The following RASAL1 variants were observed in gnomAD, a reference collection of about 807,000 sequenced individuals.
RASAL1 encodes the protein rasGAP-activating-like protein 1.
RASAL1 carries 72 observed loss-of-function variants against 96.6 expected under a neutral mutation model. That is an observed-to-expected ratio of 0.75 (90% CI 0.62 to 0.91). The LOEUF (loss-of-function observed/expected upper bound fraction) is 0.91, where lower values mean the gene tolerates loss of function less well. Among genes scored for constraint, RASAL1 ranks in the 40% least tolerant of loss-of-function variants. The pLI is 0.00. For synonymous variants in RASAL1, 405 were observed against 430.4 expected, an observed-to-expected ratio of 0.94 and a Z score of 0.73; for missense variants, 1,016 against 1,072.5, an observed-to-expected ratio of 0.95 and a Z score of 0.74.
At chr12:113,121,152 C>A (rs1951280344) in intron 5 of RASAL1, among the ~76,000 whole-genome samples, 1 of 152,194 alleles carries the variant, frequency 6.6e-6, no homozygotes, top group Non-Finnish European at 1.5e-5. Context: ...TGGACCCAGC[C>A]ATGCCTGAAG....
At chr12:113,114,544 C>T (rs1374467110) in intron 12 of RASAL1, among the ~76,000 whole-genome samples, 8 of 152,042 alleles carry the variant, frequency 5.3e-5, no homozygotes, top group East Asian at 1.9e-4. Context: ...GAAGTTTTGG[C>T]AACTTTGTCC....
Position 113,117,066 on chromosome 12 carries a change from C to A in RASAL1, c.731+7G>T. Reference sequence around the variant, plus strand: ...GCCTGGCCCCCTCCCTCTGCACCCACATTTACCCAGAATCCTCCTCGGCTC... The same window carrying A: ...GCCTGGCCCCCTCCCTCTGCACCCAAATTTACCCAGAATCCTCCTCGGCTC... On this transcript the variant is annotated splice_region_variant and intron_variant, in intron 8 of 20. Coordinates refer to ENST00000548055, the MANE Select transcript of RASAL1 (RefSeq NM_001301202.2). The A allele has an allele frequency of 6.3e-7, 1 of 1,590,090 alleles. No individual in the cohort carries two copies. Among genetic ancestry groups the A allele is most frequent in the Non-Finnish European group, 8.6e-7 (1 of 1,162,192 alleles).
intron 13 of RASAL1, among the ~76,000 whole-genome samples, chr12:113,108,556 A>T (rs1950731019): frequency 6.6e-6 from 1 of 152,244 alleles, no homozygotes; most frequent in African/African-American, 2.4e-5. Context: ...AAGCTCAGAG[A>T]CATCAAGCGA....
At chr12:113,107,410 G>T in intron 14 of RASAL1, 169 bp from the exon 15 acceptor site, 1 of 807,408 alleles carries the variant, frequency 1.2e-6, no homozygotes, top group Non-Finnish European at 2.0e-6. Flanking sequence ...ATCACTTGAG[G>T]TCAGGAGCTT....
At chr12:113,131,089 A>G in intron 1 of RASAL1, 148 bp from the exon 2 acceptor site, 1 of 622,988 alleles carries the variant, frequency 1.6e-6, no homozygotes, top group Non-Finnish European at 2.8e-6. Flanking sequence ...GCTCAGAAGT[A>G]GAACCTTAGG....
chr12:113,134,719 G>A (rs1299292264), intron 1 of RASAL1, among the ~76,000 whole-genome samples: 1 of 152,148 alleles, frequency 6.6e-6, no homozygotes, highest in Non-Finnish European at 1.5e-5. Context: ...GCATAGCTTG[G>A]GACTAGTAGT....
At chr12:113,136,543 T>C (rs1951921253), upstream of RASAL1, among the ~76,000 whole-genome samples, 1 of 152,230 alleles carries the variant, frequency 6.6e-6, no homozygotes, top group Admixed American at 6.5e-5. Context: ...AGTCAGTAAC[T>C]GATTTGCCTT....
In RASAL1 at chr12:113,107,180, G is replaced by T. The variant is rs1950678031; in HGVS notation, c.1574C>A (p.Ala525Asp). Reference sequence around the variant, plus strand: ...CTGCAGCAGGAAGGGGTGCAGGGGGGCCATCCACAGTTCCTTGCCTTGGCC... The same window carrying T: ...CTGCAGCAGGAAGGGGTGCAGGGGGTCCATCCACAGTTCCTTGCCTTGGCC... ...QLGQGKELWM[A>D]PLHPFLLQCV... The change falls in exon 15 of 21, where the codon GCC becomes GAC. Residue 525 changes from alanine (A) to aspartate (D), a missense_variant. Physicochemically the swap from Ala to Asp is moderately radical, Grantham distance 126. Coordinates refer to ENST00000548055, the MANE Select transcript of RASAL1 (RefSeq NM_001301202.2). The T allele has an allele frequency of 1.9e-6, 3 of 1,613,574 alleles. No individual in the cohort carries two copies. Among genetic ancestry groups the T allele is most frequent in the African/African-American group, 2.7e-5 (2 of 74,908 alleles).
intron 5 of RASAL1, among the ~76,000 whole-genome samples, chr12:113,120,817 C>T (rs1427566649): frequency 6.6e-6 from 1 of 152,194 alleles, no homozygotes; most frequent in South Asian, 2.1e-4. Context: ...CTCACCACCC[C>T]CCTCTCACAT....
chr12:113,126,474 A>C (rs1021336919), intron 4 of RASAL1, among the ~76,000 whole-genome samples: 3 of 152,060 alleles, frequency 2.0e-5, no homozygotes, highest in African/African-American at 7.2e-5. Flanking sequence ...TGAGGCCAAG[A>C]GTTCAAGACC....
At chr12:113,107,916 A>C (rs1363907811) in intron 14 of RASAL1, among the ~76,000 whole-genome samples, 169 bp downstream of exon 14, 1 of 152,234 alleles carries the variant, frequency 6.6e-6, no homozygotes, top group African/African-American at 2.4e-5. Flanking sequence ...ATTGGAGTGC[A>C]TGATGACTGC....
At chr12:113,132,143 T>C (rs1189073202) in intron 1 of RASAL1, among the ~76,000 whole-genome samples, 1 of 152,062 alleles carries the variant, frequency 6.6e-6, no homozygotes, top group Non-Finnish European at 1.5e-5. Context: ...GGCTAATTTT[T>C]TGCATTTTTA....
chr12:113,113,699 G>A (rs552581217), intron 12 of RASAL1, among the ~76,000 whole-genome samples: 21 of 152,312 alleles, frequency 1.4e-4, no homozygotes, highest in Non-Finnish European at 2.9e-4. Context: ...CACAAGGAAA[G>A]ATCCTCTCCT....
In RASAL1 at chr12:113,120,151, C is replaced by G. The variant is rs541447213; in HGVS notation, c.429-708G>C. 4.6e-5 allele frequency among the ~76,000 whole-genome samples: 7 copies of G among 152,314 alleles called. No homozygotes were observed. In the South Asian group the frequency reaches 1.2e-3, roughly 27 times the overall value. Reference sequence around the variant, plus strand: ...TCCAAACCCAGGAACACACCACCACCCCACCCCCACACCAGGGGCTGCTTC... The same window carrying G: ...TCCAAACCCAGGAACACACCACCACGCCACCCCCACACCAGGGGCTGCTTC... On this transcript the variant is annotated intron_variant, in intron 5 of 20. Coordinates refer to ENST00000548055, the MANE Select transcript of RASAL1 (RefSeq NM_001301202.2).
chr12:113,127,014 T>G (rs1029063437), intron 4 of RASAL1, among the ~76,000 whole-genome samples: 1 of 148,916 alleles, frequency 6.7e-6, no homozygotes, highest in Non-Finnish European at 1.5e-5. Context: ...TATGTTTATA[T>G]TTATATATAC....
chr12:113,135,600 C>T lies in RASAL1; in HGVS notation c.-138G>A. ...TGCCGCCTGTCCGAGACCCGGGTAG[C>T]TGGATGGGAGATTTCCGAAAGAGGA... On this transcript the variant is annotated 5_prime_UTR_variant, in exon 1 of 21. Coordinates refer to ENST00000548055, the MANE Select transcript of RASAL1 (RefSeq NM_001301202.2). This position sits in a 1 kb window ranked among gnomAD's most constrained non-coding sequence, Gnocchi z 5.7. The T allele has an allele frequency of 1.4e-6, 1 of 709,220 alleles. No homozygotes were observed. Among genetic ancestry groups the T allele is most frequent in the Non-Finnish European group, 2.4e-6 (1 of 413,764 alleles). 43.9% of individuals were successfully genotyped at this position (709,220 alleles called of 1,614,324 possible).
At position 113,115,881 on chromosome 12, in the gene RASAL1, G is replaced by A. The variant is rs55857148; in HGVS notation, c.849+53C>T. On this transcript the variant is annotated intron_variant, in intron 9 of 20. Coordinates refer to ENST00000548055, the MANE Select transcript of RASAL1 (RefSeq NM_001301202.2). This position sits in a 1 kb window ranked among gnomAD's most constrained non-coding sequence, Gnocchi z 4.1. ...GGCTCCGTGAGGCAGGGGGAGGCCA[G>A]GATCCAGACCCCCGGCACCCGCCTG... 62 of 1,586,282 alleles carry A rather than the reference G, an allele frequency of 3.9e-5. No homozygotes were observed. Among genetic ancestry groups the A allele is most frequent in the Non-Finnish European group, 4.5e-5 (52 of 1,162,922 alleles).
chr12:113,105,747 C>T lies in RASAL1; in HGVS notation c.1797G>A (p.Glu599=). Residue 599 remains glutamate, a synonymous_variant, in exon 16 of 21, where the codon GAG becomes GAA. Coordinates refer to ENST00000548055, the MANE Select transcript of RASAL1 (RefSeq NM_001301202.2). ...CAGGACTCTTGGAGAAGGAGAGGGT[C>T]TCCCCGCTGAGCCAGACGTAGCGCT... is the stretch of plus-strand genomic sequence containing the variant. ...FKKRYVWLSG[E]TLSFSKSPEW... is the part of the protein sequence containing the mutation. The T allele has an allele frequency of 6.2e-7, 1 of 1,612,904 alleles. No homozygotes were observed. The highest frequency in any genetic ancestry group is 8.5e-7 in the Non-Finnish European group (1 of 1,179,218).
intron 18 of RASAL1, 107 bp downstream of exon 18, chr12:113,103,839 G>C (rs1269434003): frequency 7.0e-7 from 1 of 1,419,512 alleles, no homozygotes; most frequent in Non-Finnish European, 9.6e-7. Flanking sequence ...GGCATAGAGA[G>C]GTTGAGTAAC....
Sources: gnomAD v4.1 joint callset for allele counts (sites outside exome capture counted in the v4.1 genomes callset) on GRCh38, gnomAD v4.1.1 for gene constraint, Gnocchi (gnomAD v3.1) non-coding constraint, MANE v1.5 for transcripts, NCBI Gene and HGNC (gene_info 2026-07-23, HGNC 2026-07-21) for gene names.